LRRC9: variants seen among roughly 807,000 people sequenced by gnomAD.
LRRC9 encodes the protein leucine rich repeat containing 9.
LRRC9 carries 122 observed loss-of-function variants against 63.2 expected under a neutral mutation model. That is an observed-to-expected ratio of 1.93 (90% CI 1.67 to 2.24). LRRC9 has a LOEUF of 2.24. Among genes scored for constraint, LRRC9 ranks in the 30% most tolerant of loss-of-function variants. The pLI is 0.00. For missense variants in LRRC9, 1,071 were observed against 627.7 expected (o/e 1.71, Z -7.55); for synonymous variants, 366 against 213.1 (o/e 1.72, Z -6.25).
intron 17 of LRRC9, among the ~76,000 whole-genome samples, chr14:59,997,328 G>C (rs1888903140): frequency 6.6e-6 from 1 of 152,038 alleles, no homozygotes; most frequent in Non-Finnish European, 1.5e-5. Flanking sequence ...GTATAAACAA[G>C]AAGCCTATAT....
chr14:59,946,521 T>A (rs1170492846), intron 8 of LRRC9, among the ~76,000 whole-genome samples: 1 of 150,984 alleles, frequency 6.6e-6, no homozygotes, highest in Non-Finnish European at 1.5e-5. Flanking sequence ...TTTTTTAAAT[T>A]ATACTTTAAG....
At chr14:59,978,608 T>G (rs538763997) in intron 15 of LRRC9, among the ~76,000 whole-genome samples, 71 of 152,324 alleles carry the variant, frequency 4.7e-4, no homozygotes, top group African/African-American at 1.6e-3. Context: ...TATTTTCACT[T>G]TAGTACATAT....
chr14:59,949,628 G>A (rs2139895583), intron 8 of LRRC9, among the ~76,000 whole-genome samples: 2 of 151,088 alleles, frequency 1.3e-5, no homozygotes, highest in East Asian at 3.9e-4. Context: ...TTCTCTTGTG[G>A]GCATTTAGTG....
At chr14:59,963,919 G>A (rs1884589946) in intron 10 of LRRC9, among the ~76,000 whole-genome samples, 1 of 152,094 alleles carries the variant, frequency 6.6e-6, no homozygotes, top group Non-Finnish European at 1.5e-5. Context: ...ATTTAAAAAC[G>A]TGTGTAGCCT....
chr14:59,969,698 A>G (rs1885257997), intron 12 of LRRC9, among the ~76,000 whole-genome samples: 1 of 152,166 alleles, frequency 6.6e-6, no homozygotes, highest in Admixed American at 6.5e-5. Flanking sequence ...ATCTCTTTCT[A>G]TCAATTCAGG....
chr14:59,974,816 C>G (rs1885938392), intron 13 of LRRC9, 108 bp downstream of exon 13: 1 of 486,122 alleles, frequency 2.1e-6, no homozygotes, highest in Non-Finnish European at 3.6e-6. Context: ...AGGAGATGTT[C>G]TTCAAACCAT....
At position 60,032,071 on chromosome 14, in the gene LRRC9, T is replaced by A; in HGVS notation, c.3990+8T>A. On this transcript the variant is annotated splice_region_variant and intron_variant, in intron 29 of 31. Transcript: ENST00000445360. ...ACAGTGTATGGCAATCCAGTGAGTATGTTACCATTCTAATTTATTAGTTAA... is the reference window on the plus strand; with the variant it reads ...ACAGTGTATGGCAATCCAGTGAGTAAGTTACCATTCTAATTTATTAGTTAA... 1.5e-6 allele frequency: 1 copy of A among 687,522 alleles called. No homozygotes were observed. Among genetic ancestry groups the A allele is most frequent in the Non-Finnish European group, 2.6e-6 (1 of 379,068 alleles). 42.6% of individuals were successfully genotyped at this position (687,522 alleles called of 1,614,324 possible).
At chr14:59,928,431 G>T in exon 3 of LRRC9, 2 of 695,482 alleles carry the variant, frequency 2.9e-6, no homozygotes, top group East Asian at 2.7e-5. Context: ...GAAATTTCAG[G>T]GTTAGAGCCT....
chr14:60,061,170 G>A (rs1157478693), intron 31 of LRRC9, among the ~76,000 whole-genome samples: 1 of 152,244 alleles, frequency 6.6e-6, no homozygotes, highest in Non-Finnish European at 1.5e-5. Context: ...GGCAGAGTTT[G>A]AGAGGACTGA....
chr14:59,961,931 A>G (rs1488910476), intron 10 of LRRC9, among the ~76,000 whole-genome samples: 1 of 152,216 alleles, frequency 6.6e-6, no homozygotes, highest in Non-Finnish European at 1.5e-5. Flanking sequence ...CAAACTATAG[A>G]ATGGACTTGG....
Position 59,960,996 on chromosome 14 carries a change from G to T in LRRC9, c.1162G>T (p.Glu388Ter). 1 of 694,240 alleles carries T rather than the reference G, an allele frequency of 1.4e-6. No homozygotes were observed. Among genetic ancestry groups the T allele is most frequent in the Non-Finnish European group, 2.6e-6 (1 of 381,362 alleles). The allele number at this position is 694,240 out of a possible 1,614,324, so 43.0% of individuals were successfully genotyped here. A position where few individuals can be genotyped will look rare whatever the true frequency, so the allele number is the denominator to read the frequency against. Residue 388 changes from glutamate (E) to a stop codon, truncating the protein, a stop_gained, in exon 10 of 32, where the codon GAG (glutamate) becomes TAG (stop). Transcript: ENST00000445360. LOFTEE classifies it high-confidence loss of function. ...GATCCCACTTTTGTTAATTGAGTTA[G>T]AGACTGTGGGAAATTTCCATTTTGA...
Position 60,008,208 on chromosome 14 carries a change from AC to A in LRRC9, c.3182del (p.Pro1061GlnfsTer22). The A allele has an allele frequency of 1.4e-6, 1 of 699,066 alleles. No individual in the cohort carries two copies. The highest frequency in any genetic ancestry group is 2.7e-5 in the East Asian group (1 of 37,102). 43.3% of individuals were successfully genotyped at this position (699,066 alleles called of 1,614,324 possible). A position where few individuals can be genotyped will look rare whatever the true frequency, so the allele number is the denominator to read the frequency against. ...CAGAACTGAAAGCTTTGGATGGGAT[AC>A]CAATTGTAAGTTGATTTATGACTCA... On this transcript the variant is annotated frameshift_variant, in exon 23 of 32. Coordinates refer to ENST00000445360, the Ensembl canonical transcript of LRRC9. LOFTEE classifies it high-confidence loss of function.
intron 1 of LRRC9, among the ~76,000 whole-genome samples, chr14:59,925,533 C>T (rs748073498): frequency 6.6e-6 from 1 of 152,152 alleles, no homozygotes; most frequent in Admixed American, 6.5e-5. Flanking sequence ...CTTAAAGGCC[C>T]ACCTCTTAAT....
chr14:60,066,209 T>G (rs1218771810), downstream of LRRC9, among the ~76,000 whole-genome samples: 3 of 151,878 alleles, frequency 2.0e-5, no homozygotes, highest in African/African-American at 7.3e-5. Flanking sequence ...GAATATCTAG[T>G]GTGCACTATG....
At chr14:59,998,696 T>C (rs888600771) in intron 18 of LRRC9, among the ~76,000 whole-genome samples, 3 of 152,084 alleles carry the variant, frequency 2.0e-5, no homozygotes, top group Non-Finnish European at 4.4e-5. Flanking sequence ...TGCCAAAGCA[T>C]ATTTCCTGGA....
At chr14:60,008,438 C>T (rs1272420909) in intron 23 of LRRC9, among the ~76,000 whole-genome samples, 2 of 152,042 alleles carry the variant, frequency 1.3e-5, no homozygotes, top group Non-Finnish European at 2.9e-5. Context: ...GGCTGTGCTG[C>T]TTACAATAGA....
chr14:60,048,199 A>G (rs1207118943), intron 29 of LRRC9, among the ~76,000 whole-genome samples: 1 of 152,046 alleles, frequency 6.6e-6, no homozygotes, highest in African/African-American at 2.4e-5. Context: ...TTAGATCTCA[A>G]GTTAACAACC....
chr14:59,937,707 AG>A (rs1182371519), intron 6 of LRRC9, among the ~76,000 whole-genome samples: 1 of 152,178 alleles, frequency 6.6e-6, no homozygotes, highest in Non-Finnish European at 1.5e-5. Flanking sequence ...TGACAAATAA[AG>A]GAAAGTATAA....
intron 26 of LRRC9, among the ~76,000 whole-genome samples, chr14:60,022,024 G>A (rs1312888225): frequency 6.6e-6 from 1 of 151,644 alleles, no homozygotes; most frequent in African/African-American, 2.4e-5. Flanking sequence ...TGAGTGGGGG[G>A]GATGTCTTCT....
Sources: allele counts gnomAD v4.1 joint callset (sites outside exome capture counted in the v4.1 genomes callset), GRCh38; gene constraint gnomAD v4.1.1; transcripts MANE v1.5; gene names NCBI Gene and HGNC (gene_info 2026-07-23, HGNC 2026-07-21).